PTK2B: variants seen among roughly 807,000 people sequenced by gnomAD.
PTK2B encodes the protein protein-tyrosine kinase 2-beta.
A neutral mutation model predicts 142.9 loss-of-function variants in PTK2B; 71 were observed. That is an observed-to-expected ratio of 0.50 (90% confidence interval 0.41 to 0.61). The LOEUF (loss-of-function observed/expected upper bound fraction) is 0.61, where lower values mean the gene tolerates loss of function less well. Ranked by LOEUF, PTK2B falls within the 20% of genes least tolerant of loss-of-function variation. The pLI, the probability that PTK2B is intolerant of heterozygous loss-of-function variation, is 0.00. For missense variants in PTK2B, 1,105 were observed against 1,320.4 expected, an observed-to-expected ratio of 0.84 and a Z score of 2.53; for synonymous variants, 519 against 503.4, an observed-to-expected ratio of 1.03 and a Z score of -0.42.
upstream of PTK2B, chr8:27,322,539 G>A (rs1376732816): frequency 6.6e-6 from 1 of 152,084 alleles, no homozygotes; most frequent in Non-Finnish European, 1.5e-5. Context: ...TACTTTAATT[G>A]CTATCATTTC....
At chr8:27,394,477 C>T (rs1200431769) in intron 1 of PTK2B, among the ~76,000 whole-genome samples, 1 of 152,098 alleles carries the variant, frequency 6.6e-6, no homozygotes, top group African/African-American at 2.4e-5. Flanking sequence ...AATGGTGCAC[C>T]GGTCTAGGGC....
rs1171128600 is a variant in PTK2B, at chr8:27,434,740, G to A, written c.1192+181G>A. Among the ~76,000 whole-genome samples, 3 of 152,296 alleles carry A rather than the reference G, an allele frequency of 2.0e-5. No homozygotes were observed. The East Asian group carries it at 5.8e-4, about 29-fold the overall frequency. Reference sequence around the variant, plus strand: ...ATTATGGCTGGGTGCAGTGGCTCATGCCTGTAATCCCAGCACTTTGGGAGG... The same window carrying A: ...ATTATGGCTGGGTGCAGTGGCTCATACCTGTAATCCCAGCACTTTGGGAGG... On this transcript the variant is annotated intron_variant, in intron 13 of 30. Transcript: ENST00000346049.
chr8:27,442,983 G>T lies in PTK2B; in HGVS notation c.2148G>T (p.Lys716Asn). ...EPTAFQEPPP[K>N]PSRPKYRPPP... ...CAGCCTTCCAGGAACCCCCACCCAA[G>T]GTAAGCCAAGCCATGGCCTCATAAG... The change falls in exon 22 of 31, where the codon AAG becomes AAT. Residue 716 changes from lysine (K) to asparagine (N), a missense_variant and splice_region_variant. Coordinates refer to ENST00000346049, the MANE Select transcript of PTK2B (RefSeq NM_173176.3). 6.2e-7 allele frequency: 1 copy of T among 1,610,944 alleles called. No homozygotes were observed. Among genetic ancestry groups the T allele is most frequent in the Non-Finnish European group, 8.5e-7 (1 of 1,177,188 alleles).
Position 27,369,401 on chromosome 8 carries a change from G to A in PTK2B, c.-37-28147G>A, listed in dbSNP as rs114358174. 8.7e-3 allele frequency among the ~76,000 whole-genome samples: 1,326 copies of A among 152,332 alleles called. 25 individuals carry two copies. Among genetic ancestry groups the A allele is most frequent in the African/African-American group, 0.03 (1,264 of 41,560 alleles). On this transcript the variant is annotated intron_variant, in intron 1 of 30. Coordinates refer to ENST00000346049, the MANE Select transcript of PTK2B (RefSeq NM_173176.3). ...TTAAGAACTTAAGGCTTAGTGTGGTGACTCACGCCTATAATTCCAGCACTT... is the reference window on the plus strand; with the variant it reads ...TTAAGAACTTAAGGCTTAGTGTGGTAACTCACGCCTATAATTCCAGCACTT...
Position 27,326,219 on chromosome 8 carries a change from C to CGTGTGT in PTK2B, c.-38+539_-38+544dup, listed in dbSNP as rs1378338817. On this transcript the variant is annotated intron_variant, in intron 1 of 30. Coordinates refer to ENST00000346049, the MANE Select transcript of PTK2B (RefSeq NM_173176.3). ...GGGTGTTCTGGGGCACAGGGGAGCTCGTGTGTATGTGTGTGTGTGTGTGTG... is the reference window on the plus strand; with the variant it reads ...GGGTGTTCTGGGGCACAGGGGAGCTCGTGTGTGTGTGTATGTGTGTGTGTGTGTGTG... Among the ~76,000 whole-genome samples, 57 of 126,010 alleles carry CGTGTGT rather than the reference C, an allele frequency of 4.5e-4. 1 individual carries two copies. The highest frequency in any genetic ancestry group is 1.2e-4 in the Non-Finnish European group (7 of 59,984). 82.7% of individuals were successfully genotyped at this position (126,010 alleles called of 152,430 possible). A position where few individuals can be genotyped will look rare whatever the true frequency, so the allele number is the denominator to read the frequency against.
intron 3 of PTK2B, among the ~76,000 whole-genome samples, chr8:27,316,402 GAACTT>G (rs1203520840): frequency 6.6e-6 from 1 of 151,968 alleles, no homozygotes; most frequent in South Asian, 2.1e-4. Flanking sequence ...TGGCTATAAG[GAACTT>G]AACTTTAAAT....
intron 2 of PTK2B, among the ~76,000 whole-genome samples, chr8:27,405,205 C>T (rs1325197518): frequency 1.3e-5 from 2 of 152,156 alleles, no homozygotes; most frequent in Non-Finnish European, 1.5e-5. Flanking sequence ...TTGTTTAAGG[C>T]GCCCAGTCAG....
intron 26 of PTK2B, 54 bp downstream of exon 26, chr8:27,451,132 C>T: frequency 6.4e-7 from 1 of 1,573,660 alleles, no homozygotes. Flanking sequence ...GAAGGCCTCG[C>T]CCACCATAGG....
intron 21 of PTK2B, among the ~76,000 whole-genome samples, chr8:27,442,386 C>T (rs527285777): frequency 5.9e-5 from 9 of 152,210 alleles, no homozygotes; most frequent in African/African-American, 2.2e-4. Context: ...AGGTGAGAGG[C>T]GCGCACATGG....
chr8:27,437,273 G>A, intron 16 of PTK2B, 67 bp downstream of exon 16: 2 of 1,559,878 alleles, frequency 1.3e-6, no homozygotes, highest in Non-Finnish European at 1.8e-6. Context: ...AGAGAGGGGT[G>A]AACAGTGCAG....
chr8:27,322,076 G>A (rs537194444), upstream of PTK2B, among the ~76,000 whole-genome samples: 7 of 151,724 alleles, frequency 4.6e-5, no homozygotes, highest in East Asian at 1.4e-3. Flanking sequence ...TGTAACCTCT[G>A]CCTCCCAGGT....
intron 2 of PTK2B, among the ~76,000 whole-genome samples, chr8:27,401,878 A>AGTGATG (rs965682184): frequency 2.6e-5 from 4 of 152,236 alleles, no homozygotes; most frequent in South Asian, 4.2e-4. Flanking sequence ...CCATGGGGAT[A>AGTGATG]GTGATGGTGA....
At chr8:27,425,287 A>G (rs903516625) in intron 5 of PTK2B, among the ~76,000 whole-genome samples, 1 of 152,074 alleles carries the variant, frequency 6.6e-6, no homozygotes, top group Non-Finnish European at 1.5e-5. Flanking sequence ...ATGCTATACA[A>G]TAGTAACGTA....
At chr8:27,321,497 T>C (rs13249943), upstream of PTK2B, among the ~76,000 whole-genome samples, 2 of 152,222 alleles carry the variant, frequency 1.3e-5, no homozygotes, top group Non-Finnish European at 2.9e-5. Context: ...TCAGACTATG[T>C]CCAGGGTAAG....
At position 27,396,419 on chromosome 8, in the gene PTK2B, T is replaced by C. The variant is rs146918459; in HGVS notation, c.-37-1129T>C. The C allele has an allele frequency of 2.1e-3, 325 of 152,330 alleles. 1 individual carries two copies. Among genetic ancestry groups the C allele is most frequent in the African/African-American group, 7.5e-3 (310 of 41,574 alleles). The allele number at this position is 152,330 out of a possible 1,614,324, so 9.4% of individuals were successfully genotyped here. On this transcript the variant is annotated intron_variant, in intron 1 of 30. Coordinates refer to ENST00000346049, the MANE Select transcript of PTK2B (RefSeq NM_173176.3). ...ACAGTCTCTTCTTAGAAAGGGGATA[T>C]TTTTCTTTAAGAAGGGGTTTCAGGA...
intron 2 of PTK2B, among the ~76,000 whole-genome samples, chr8:27,418,960 G>A (rs945144874): frequency 1.5e-4 from 23 of 152,066 alleles, no homozygotes; most frequent in African/African-American, 4.1e-4. Flanking sequence ...CCTGGGAGGC[G>A]GAGGTTGCAG....
chr8:27,402,651 C>T (rs971768572), intron 2 of PTK2B, among the ~76,000 whole-genome samples: 4 of 152,168 alleles, frequency 2.6e-5, no homozygotes, highest in African/African-American at 7.2e-5. Context: ...GTACTCCCTG[C>T]TTTCGTAGGG....
rs1003697979 is a variant in PTK2B at position 27,458,297 on chromosome 8, G to A, written c.2818G>A (p.Glu940Lys). The change falls in exon 31 of 31, where the codon GAG becomes AAG. Residue 940 changes from glutamate to lysine, a missense_variant. Physicochemically the swap from Glu to Lys is moderately conservative, Grantham distance 56. Coordinates refer to ENST00000346049, the MANE Select transcript of PTK2B (RefSeq NM_173176.3). ...SLPSSSRTEIEGTQKLLNKDL... is the reference protein window; with the variant it reads ...SLPSSSRTEIKGTQKLLNKDL... Reference sequence around the variant, plus strand: ...GTCCTGTGTGATCTTCCTACAGATCGAGGGCACCCAGAAACTGCTCAACAA... The same window carrying A: ...GTCCTGTGTGATCTTCCTACAGATCAAGGGCACCCAGAAACTGCTCAACAA... The A allele has an allele frequency of 9.9e-6, 16 of 1,613,684 alleles. No homozygotes were observed. The highest frequency in any genetic ancestry group is 1.1e-5 in the Non-Finnish European group (13 of 1,179,864).
At chr8:27,345,292 G>T (rs1013755027) in intron 1 of PTK2B, among the ~76,000 whole-genome samples, 4 of 152,164 alleles carry the variant, frequency 2.6e-5, no homozygotes, top group African/African-American at 9.7e-5. Context: ...GCTTCCTCGG[G>T]CCTCATCTTC....
Sources: gnomAD v4.1 joint callset for allele counts (sites outside exome capture counted in the v4.1 genomes callset) on GRCh38, gnomAD v4.1.1 for gene constraint, MANE v1.5 for transcripts, NCBI Gene and HGNC (gene_info 2026-07-23, HGNC 2026-07-21) for gene names.